Variants in SEC13 observed in about 807,000 individuals in gnomAD.
The protein encoded by SEC13 is SEC13 homolog, nuclear pore and COPII component.
SEC13 carries 25 observed loss-of-function variants against 49.2 expected under a neutral mutation model. The observed-to-expected ratio is 0.51, with a 90% CI of 0.37 to 0.71. The LOEUF is 0.71. SEC13 is among the 30% of genes least tolerant of loss of function. SEC13 has a pLI of 0.00. For missense variants in SEC13, 383 were observed against 417.6 expected, an observed-to-expected ratio of 0.92 and a Z score of 0.72; for synonymous variants, 148 against 163.9, an observed-to-expected ratio of 0.90 and a Z score of 0.74.
At chr3:10,305,502 AGTAGG>A in intron 6 of SEC13, 52 bp downstream of exon 6, 1 of 1,588,080 alleles carries the variant, frequency 6.3e-7, no homozygotes, top group Non-Finnish European at 8.6e-7. Flanking sequence ...AGTCATGGTG[AGTAGG>A]GTAAAGGGTA....
In SEC13 at chr3:10,312,116, G is replaced by A. The variant is rs1701309027; in HGVS notation, c.317-18C>T. ...CGAGTTCACTGCGGGAAGAGGGAGA[G>A]TGCAGTGAGCAAAGCAGGGAGACCG... is the stretch of plus-strand genomic sequence containing the variant. On this transcript the variant is annotated intron_variant, in intron 4 of 8. Transcript: ENST00000350697. The A allele has an allele frequency of 6.3e-6, 10 of 1,579,560 alleles. No individual in the cohort carries two copies. In the East Asian group the frequency reaches 2.1e-4, roughly 33 times the overall value.
Position 10,301,302 on chromosome 3 carries a change from C to G in SEC13, c.928G>C (p.Val310Leu), listed in dbSNP as rs199862166. ...TGGCCCTCTGTCACTGATGCTGATA[C>G]GGAGCCCTGGCCCTTGTTGACATCA... The part of the protein sequence containing the change: ...ISDVNKGQGS[V>L]SASVTEGQQN... Residue 310 changes from valine (V) to leucine (L), a missense_variant, in exon 9 of 9, where the codon GTA (valine) becomes CTA (leucine). Val to Leu is a conservative substitution (Grantham distance 32). Coordinates refer to ENST00000350697, the MANE Select transcript of SEC13 (RefSeq NM_183352.3). The G allele has an allele frequency of 6.2e-7, 1 of 1,614,030 alleles. No homozygotes were observed. Among genetic ancestry groups the G allele is most frequent in the African/African-American group, 1.3e-5 (1 of 74,910 alleles).
intron 5 of SEC13, 22 bp from the exon 6 acceptor site, chr3:10,305,714 T>C: frequency 6.2e-7 from 1 of 1,613,624 alleles, no homozygotes; most frequent in Non-Finnish European, 8.5e-7. Flanking sequence ...GGACACATGG[T>C]GACTCTGCCT....
chr3:10,308,718 ACCC>A (rs138994492), intron 5 of SEC13, among the ~76,000 whole-genome samples: 4,195 of 149,474 alleles, frequency 0.028, 189 homozygotes, highest in African/African-American at 0.095. Context: ...TTTCTCTAGA[ACCC>A]CCCAAAATTT....
chr3:10,303,913 G>A (rs1426732964), intron 8 of SEC13, 113 bp downstream of exon 8: 1 of 1,185,936 alleles, frequency 8.4e-7, no homozygotes, highest in Non-Finnish European at 1.2e-6. Context: ...CGCAGTCCTG[G>A]CTAAGGCTCC....
Position 10,301,072 on chromosome 3 carries a change from C to T in SEC13, c.*189G>A, listed in dbSNP as rs1395441426. The T allele has an allele frequency of 6.2e-7, 1 of 1,610,868 alleles. No individual in the cohort carries two copies. Among genetic ancestry groups the T allele is most frequent in the South Asian group, 1.1e-5 (1 of 90,814 alleles). Reference sequence around the variant, plus strand: ...TTCCTCGTAACATGAGTGCTTTCAGCTGGACAGTAGATTACAAAGCATCTC... The same window carrying T: ...TTCCTCGTAACATGAGTGCTTTCAGTTGGACAGTAGATTACAAAGCATCTC... On this transcript the variant is annotated 3_prime_UTR_variant, in exon 9 of 9. Coordinates refer to ENST00000350697, the MANE Select transcript of SEC13 (RefSeq NM_183352.3).
At chr3:10,317,044 C>T (rs1336758296) in intron 2 of SEC13, among the ~76,000 whole-genome samples, 3 of 151,890 alleles carry the variant, frequency 2.0e-5, no homozygotes, top group Non-Finnish European at 2.9e-5. Context: ...AGCATGGGGC[C>T]TGACACTCAG....
intron 6 of SEC13, 80 bp from the exon 7 acceptor site, chr3:10,305,236 T>G (rs1193958386): frequency 1.3e-6 from 2 of 1,512,110 alleles, no homozygotes; most frequent in Non-Finnish European, 1.8e-6. Context: ...AGGCTCTGCC[T>G]GGGGTGGAGA....
chr3:10,305,604 T>G lies in SEC13; in HGVS notation c.539A>C (p.Lys180Thr), dbSNP rs377741979. The G allele has an allele frequency of 1.2e-6, 2 of 1,614,052 alleles. No individual in the cohort carries two copies. Among genetic ancestry groups the G allele is most frequent in the Admixed American group, 1.7e-5 (1 of 60,004 alleles). ...GTCACAGCCACCTGATGCAAACCTCTTGATGTAATTGGGTTTCTGCCCCGA... is the reference window on the plus strand; with the variant it reads ...GTCACAGCCACCTGATGCAAACCTCGTGATGTAATTGGGTTTCTGCCCCGA... ...HPSGQKPNYI[K>T]RFASGGCDNL... is the part of the protein sequence containing the mutation. Residue 180 changes from lysine (K) to threonine (T), a missense_variant, in exon 6 of 9, where the codon AAG becomes ACG. Transcript: ENST00000350697.
At chr3:10,320,951 G>A in intron 1 of SEC13, 99 bp downstream of exon 1, 1 of 1,573,612 alleles carries the variant, frequency 6.4e-7, no homozygotes, top group South Asian at 1.2e-5. Flanking sequence ...GAGCTGAACG[G>A]CTCCAGCTTG....
rs780785252 is a variant in SEC13 at position 10,311,850 on chromosome 3, A to T, written c.450+115T>A. 4.4e-6 allele frequency: 7 copies of T among 1,595,514 alleles called. No homozygotes were observed. In the African/African-American group the frequency reaches 9.4e-5, roughly 21 times the overall value. On this transcript the variant is annotated intron_variant, in intron 5 of 8. Coordinates refer to ENST00000350697, the MANE Select transcript of SEC13 (RefSeq NM_183352.3). Reference sequence around the variant, plus strand: ...AGCAATCATGTCTGGTCAGCTGACCACTCCCCGGCCCACTGTCCAGCGGGG... The same window carrying T: ...AGCAATCATGTCTGGTCAGCTGACCTCTCCCCGGCCCACTGTCCAGCGGGG...
chr3:10,301,433 C>CTAAA (rs998140140), intron 8 of SEC13, 59 bp from the exon 9 acceptor site: 1 of 1,604,124 alleles, frequency 6.2e-7, no homozygotes, highest in Non-Finnish European at 8.5e-7. Context: ...CTGCTGTCCC[C>CTAAA]TAAATATGAG....
chr3:10,304,822 T>G (rs1178350255), intron 7 of SEC13, among the ~76,000 whole-genome samples: 1 of 152,212 alleles, frequency 6.6e-6, no homozygotes, highest in Non-Finnish European at 1.5e-5. Context: ...GTGCCGGTTC[T>G]GTTGTAGCTG....
intron 1 of SEC13, chr3:10,319,394 G>A (rs2059723899): frequency 7.6e-6 from 8 of 1,054,048 alleles, no homozygotes; most frequent in Non-Finnish European, 1.1e-5. Flanking sequence ...ACAGGAAGGC[G>A]GGGAGGGCAG....
At chr3:10,320,856 G>A in intron 1 of SEC13, 194 bp downstream of exon 1, 4 of 1,309,128 alleles carry the variant, frequency 3.1e-6, no homozygotes, top group Non-Finnish European at 3.9e-6. Flanking sequence ...AGTCAGGGAG[G>A]TTCCTCGGCC....
intron 3 of SEC13, chr3:10,313,838 C>CT (rs1229770990): frequency 1.3e-5 from 2 of 157,050 alleles, no homozygotes; most frequent in African/African-American, 4.8e-5. Context: ...CTCTGCCTGC[C>CT]TGGGGGGCTC....
chr3:10,320,730 A>G (rs1376948610), intron 1 of SEC13: 1 of 1,216,244 alleles, frequency 8.2e-7, no homozygotes, highest in Non-Finnish European at 1.0e-6. Context: ...ATTACGAACA[A>G]TGCTGAGGGC....
rs1701133621 is a variant in SEC13 at position 10,309,754 on chromosome 3, CTG to C, written c.450+2209_450+2210del. Reference sequence around the variant, plus strand: ...CATATTCTTGTTTCTTATATAACAACTGTATGCAATTTCACTTCAAATACTTT... The same window carrying C: ...CATATTCTTGTTTCTTATATAACAACTATGCAATTTCACTTCAAATACTTT... On this transcript the variant is annotated intron_variant, in intron 5 of 8. Transcript: ENST00000350697. Among the ~76,000 whole-genome samples the C allele has an allele frequency of 2.0e-5, 3 of 152,188 alleles. No individual in the cohort carries two copies. In the South Asian group the frequency reaches 6.2e-4, roughly 31 times the overall value.
chr3:10,310,347 C>A (rs918807198), intron 5 of SEC13, among the ~76,000 whole-genome samples: 1 of 152,048 alleles, frequency 6.6e-6, no homozygotes, highest in East Asian at 1.9e-4. Context: ...AAAAATTAGC[C>A]GGGTGTTGTG....
Sources: allele counts gnomAD v4.1 joint callset (sites outside exome capture counted in the v4.1 genomes callset), GRCh38; gene constraint gnomAD v4.1.1; transcripts MANE v1.5; gene names NCBI Gene and HGNC (gene_info 2026-07-23, HGNC 2026-07-21).